The following KIF19 variants were observed in gnomAD, a reference collection of about 807,000 sequenced individuals.
The protein encoded by KIF19 is kinesin-like protein KIF19.
Under a neutral mutation model 106.6 loss-of-function variants are expected in KIF19, and 98 were observed. That is an observed-to-expected ratio of 0.92 (90% CI 0.78 to 1.09). The LOEUF is 1.09. Among genes scored for constraint, KIF19 ranks in the 50% least tolerant of loss-of-function variants. KIF19 has a pLI of 0.00. For missense variants in KIF19, 1,373 were observed against 1,414.3 expected (o/e 0.97, Z 0.47); for synonymous variants, 516 against 584.2 (o/e 0.88, Z 1.68).
intron 10 of KIF19, 134 bp downstream of exon 10, chr17:74,349,483 T>G: frequency 1.2e-6 from 1 of 809,058 alleles, no homozygotes; most frequent in East Asian, 2.8e-5. Flanking sequence ...ACTCACCAGC[T>G]CTGAGCCTCC....
intron 2 of KIF19, among the ~76,000 whole-genome samples, chr17:74,333,361 ATTTTTTTTT>A (rs35232394): frequency 7.2e-4 from 93 of 129,464 alleles, no homozygotes; most frequent in African/African-American, 2.6e-3. Context: ...TGTGGTCCTA[ATTTTTTTTT>A]TTTTTTTTTT....
Position 74,346,319 on chromosome 17 carries a change from G to A in KIF19, c.778-59G>A. 1 of 1,520,544 alleles carries A rather than the reference G, an allele frequency of 6.6e-7. No individual in the cohort carries two copies. The highest frequency in any genetic ancestry group is 8.9e-7 in the Non-Finnish European group (1 of 1,126,252). 94.2% of individuals were successfully genotyped at this position (1,520,544 alleles called of 1,614,324 possible). ...GGTCATTCATTGGTGGGGTGGCTGG[G>A]GAGAAACCCAGTCCCCTGCCTCATC... On this transcript the variant is annotated intron_variant, in intron 7 of 19. Coordinates refer to ENST00000389916, the MANE Select transcript of KIF19 (RefSeq NM_153209.4). The surrounding 1 kb of genome is among the most constrained non-coding windows in gnomAD (Gnocchi z 4.6).
At chr17:74,345,350 T>C (rs1598389208) in intron 7 of KIF19, among the ~76,000 whole-genome samples, 1 of 152,028 alleles carries the variant, frequency 6.6e-6, no homozygotes, top group East Asian at 1.9e-4. Context: ...AAAGGAGTAG[T>C]TGGAGGCAGG....
At chr17:74,329,741 G>A (rs905253742) in intron 2 of KIF19, among the ~76,000 whole-genome samples, 1 of 152,196 alleles carries the variant, frequency 6.6e-6, no homozygotes, top group Non-Finnish European at 1.5e-5. Flanking sequence ...TTGAGGACTC[G>A]TGCTGGGATG....
At chr17:74,345,133 G>A (rs1598388904) in intron 7 of KIF19, among the ~76,000 whole-genome samples, 178 bp downstream of exon 7, 6 of 152,178 alleles carry the variant, frequency 3.9e-5, no homozygotes, top group East Asian at 1.9e-4. Context: ...GGAGGATGTC[G>A]CAGCGAGGTG....
chr17:74,339,824 G>A (rs980359180), intron 2 of KIF19, among the ~76,000 whole-genome samples: 2 of 152,198 alleles, frequency 1.3e-5, no homozygotes, highest in African/African-American at 4.8e-5. Context: ...GTTGGGGGTG[G>A]TGCATGAGGA....
rs764710892 is a variant in KIF19 at position 74,354,145 on chromosome 17, C to T, written c.2309-17C>T. 1.9e-6 allele frequency: 3 copies of T among 1,590,816 alleles called. No individual in the cohort carries two copies. The highest frequency in any genetic ancestry group is 2.6e-6 in the Non-Finnish European group (3 of 1,170,986). On this transcript the variant is annotated splice_polypyrimidine_tract_variant and intron_variant, in intron 17 of 19. Transcript: ENST00000389916. ...GGCCTTGATCTCGGGTTGTATGTTC[C>T]CCGTGTCCCGCTGCAGAGAGGAAGG...
At chr17:74,348,384 G>A (rs960353335) in intron 9 of KIF19, among the ~76,000 whole-genome samples, 2 of 152,254 alleles carry the variant, frequency 1.3e-5, no homozygotes, top group African/African-American at 4.8e-5. Flanking sequence ...CAGTGATGGC[G>A]CTGAGGATGG....
At chr17:74,347,151 T>C (rs111261659) in intron 8 of KIF19, among the ~76,000 whole-genome samples, 3,631 of 152,122 alleles carry the variant, frequency 0.024, 149 homozygotes, top group African/African-American at 0.081. Flanking sequence ...AATATCAGAG[T>C]CACCGCTTAC....
chr17:74,352,240 A>C lies in KIF19; in HGVS notation c.1880A>C (p.Gln627Pro). 6.2e-7 allele frequency: 1 copy of C among 1,612,690 alleles called. No individual in the cohort carries two copies. Among genetic ancestry groups the C allele is most frequent in the East Asian group, 2.2e-5 (1 of 44,840 alleles). Residue 627 changes from glutamine to proline, a missense_variant, in exon 14 of 20, where the codon CAG becomes CCG. Transcript: ENST00000389916. ...IIDDYNLAVP[Q>P]RLEELYEVYL... is the part of the protein sequence containing the mutation. ...GCAGACTACAACCTGGCCGTCCCGC[A>C]GCGCCTGGAAGAGCTCTACGAAGTG...
rs2054860480 is a variant in KIF19 at position 74,355,567 on chromosome 17, A to G, written c.*255A>G. 1 of 409,270 alleles carries G rather than the reference A, an allele frequency of 2.4e-6. No individual in the cohort carries two copies. Among genetic ancestry groups the G allele is most frequent in the East Asian group, 3.7e-5 (1 of 26,746 alleles). 25.4% of individuals were successfully genotyped at this position (409,270 alleles called of 1,614,324 possible). On this transcript the variant is annotated 3_prime_UTR_variant, in exon 20 of 20. Transcript: ENST00000389916. ...TCCCTGGCTTCCCAGCCCTGGACAG[A>G]ATGCTGTTGCCAAAACCTGCACAGC...
Position 74,344,318 on chromosome 17 carries a change from C to T in KIF19, c.552C>T (p.Ile184=), listed in dbSNP as rs111866621. The T allele has an allele frequency of 6.2e-7, 1 of 1,612,828 alleles. No homozygotes were observed. Residue 184 remains isoleucine (I), a synonymous_variant, in exon 6 of 20, where the codon ATC becomes ATT. Coordinates refer to ENST00000389916, the MANE Select transcript of KIF19 (RefSeq NM_153209.4). ...DSKGVIQVAG[I]TEVSTINAKE... ...AGGGGGTGATCCAGGTGGCCGGCATCACCGAAGTCTCCACCATCAATGCCA... is the reference window on the plus strand; with the variant it reads ...AGGGGGTGATCCAGGTGGCCGGCATTACCGAAGTCTCCACCATCAATGCCA...
At chr17:74,341,206 G>T (rs1429009133) in intron 2 of KIF19, among the ~76,000 whole-genome samples, 2 of 152,118 alleles carry the variant, frequency 1.3e-5, no homozygotes, top group African/African-American at 2.4e-5. Flanking sequence ...GTAGTCCCAG[G>T]TACGCTGGAG....
chr17:74,346,412 C>T lies in KIF19; in HGVS notation c.812C>T (p.Ala271Val). ...QNRGQRMKEG[A>V]HINRSLLALG... ...CGTGGGCAGCGTATGAAGGAGGGGG[C>T]CCACATCAACCGCTCACTGCTGGCA... Residue 271 changes from alanine to valine, a missense_variant, in exon 8 of 20, where the codon GCC becomes GTC. By Grantham distance (64) the Ala-to-Val change is moderately conservative. Transcript: ENST00000389916. The surrounding 1 kb of genome is among the most constrained non-coding windows in gnomAD (Gnocchi z 4.6). 6.4e-7 allele frequency: 1 copy of T among 1,574,550 alleles called. No homozygotes were observed. The highest frequency in any genetic ancestry group is 1.8e-5 in the Admixed American group (1 of 55,110).
chr17:74,332,888 T>C (rs2054131677), intron 2 of KIF19, among the ~76,000 whole-genome samples: 1 of 152,132 alleles, frequency 6.6e-6, no homozygotes, highest in African/African-American at 2.4e-5. Context: ...GTTGAAACTC[T>C]CCCTGGGCCT....
chr17:74,353,537 C>G lies in KIF19; in HGVS notation c.2264C>G (p.Pro755Arg). The change falls in exon 17 of 20, where the codon CCT (proline) becomes CGT (arginine). Residue 755 changes from proline to arginine, a missense_variant. Physicochemically the swap from Pro to Arg is moderately radical, Grantham distance 103. Transcript: ENST00000389916. ...DSLGSWINSS[P>R]DSSENLSEIP... ...CTGGGCAGCTGGATCAACTCTTCCC[C>G]TGACAGCAGTGAGAACCTGTCGGAG... The G allele has an allele frequency of 6.2e-7, 1 of 1,613,926 alleles. No individual in the cohort carries two copies. The highest frequency in any genetic ancestry group is 8.5e-7 in the Non-Finnish European group (1 of 1,179,900).
intron 2 of KIF19, among the ~76,000 whole-genome samples, chr17:74,336,209 C>T (rs1248705355): frequency 2.0e-5 from 3 of 152,200 alleles, no homozygotes; most frequent in African/African-American, 4.8e-5. Context: ...GCTGGGACTA[C>T]AGGCGTGTAC....
chr17:74,342,801 G>T (rs2054417685), intron 4 of KIF19, 84 bp downstream of exon 4: 2 of 1,386,254 alleles, frequency 1.4e-6, no homozygotes, highest in African/African-American at 2.8e-5. Context: ...ACCCCAGCTG[G>T]AGCAGGAATC....
chr17:74,328,559 C>T (rs2053981942), intron 2 of KIF19, 54 bp downstream of exon 2: 1 of 1,482,260 alleles, frequency 6.7e-7, no homozygotes, highest in Admixed American at 1.9e-5. Context: ...TCAGATGGCT[C>T]AGCTCACCTG....
Sources: allele counts gnomAD v4.1 joint callset (sites outside exome capture counted in the v4.1 genomes callset), GRCh38; gene constraint gnomAD v4.1.1; non-coding constraint Gnocchi (gnomAD v3.1); transcripts MANE v1.5; gene names NCBI Gene and HGNC (gene_info 2026-07-23, HGNC 2026-07-21).